The following CNNM2 variants were observed in gnomAD, a reference collection of about 807,000 sequenced individuals.
The protein encoded by CNNM2 is metal transporter CNNM2.
A neutral mutation model predicts 66.9 loss-of-function variants in CNNM2; 12 were observed. That is an observed-to-expected ratio of 0.18 (90% confidence interval 0.11 to 0.29). The LOEUF is 0.29. CNNM2 is among the 10% of genes least tolerant of loss of function. The probability of loss-of-function intolerance (pLI) is 1.00; values close to 1 mark genes in which losing one functional copy is unlikely to be tolerated. For synonymous variants in CNNM2, 557 were observed against 501.8 expected (o/e 1.11, Z -1.47); for missense variants, 705 against 1,167.7 (o/e 0.60, Z 5.77).
intron 1 of CNNM2, among the ~76,000 whole-genome samples, chr10:102,928,530 C>T (rs1029725710): frequency 5.3e-5 from 8 of 149,776 alleles, no homozygotes; most frequent in African/African-American, 9.9e-5. Context: ...TGCAGTGAGC[C>T]GGGATTGCGC....
In CNNM2 at chr10:103,089,503, C is replaced by G. The variant is rs1228825130; in HGVS notation, c.*12323C>G. On this transcript the variant is annotated 3_prime_UTR_variant, in exon 8 of 8. Coordinates refer to ENST00000369878, the MANE Select transcript of CNNM2 (RefSeq NM_017649.5). ...ACCATCTGCAGAGAGTACAGATACA[C>G]AAAACCAAAACAAGTATCTATGATA... The G allele has an allele frequency of 7.7e-7, 1 of 1,295,976 alleles. No individual in the cohort carries two copies. Among genetic ancestry groups the G allele is most frequent in the Non-Finnish European group, 1.0e-6 (1 of 979,732 alleles). 80.3% of individuals were successfully genotyped at this position (1,295,976 alleles called of 1,614,324 possible). A position where few individuals can be genotyped will look rare whatever the true frequency, so the allele number is the denominator to read the frequency against.
At chr10:103,008,968 T>C (rs2064282776) in intron 1 of CNNM2, among the ~76,000 whole-genome samples, 1 of 151,940 alleles carries the variant, frequency 6.6e-6, no homozygotes, top group Non-Finnish European at 1.5e-5. Context: ...GTGGGACACT[T>C]TGAGAGTTCT....
rs142156714 is a variant in CNNM2, at chr10:103,006,512, A to G, written c.1622-43195A>G. ...TGAACCACCACTCCTGGCCTGCTTT[A>G]GATTTTGTATAGCTCCCCTTCATCA... On this transcript the variant is annotated intron_variant, in intron 1 of 7. Coordinates refer to ENST00000369878, the MANE Select transcript of CNNM2 (RefSeq NM_017649.5). 1.3e-3 allele frequency among the ~76,000 whole-genome samples: 195 copies of G among 152,134 alleles called. 1 individual carries two copies. The highest frequency in any genetic ancestry group is 4.5e-3 in the African/African-American group (188 of 41,532).
At chr10:103,041,300 A>T (rs1205571306) in intron 1 of CNNM2, among the ~76,000 whole-genome samples, 1 of 152,216 alleles carries the variant, frequency 6.6e-6, no homozygotes, top group Non-Finnish European at 1.5e-5. Context: ...TGTGAAACTT[A>T]TGCAGCTGTG....
Position 102,955,742 on chromosome 10 carries a change from G to A in CNNM2, c.1621+35641G>A, listed in dbSNP as rs571296052. ...TATGAACAGACACTTCTCAAAAGAA[G>A]ACATTTATGCAGCCAACAGACACAT... is the stretch of plus-strand genomic sequence containing the variant. On this transcript the variant is annotated intron_variant, in intron 1 of 7. Coordinates refer to ENST00000369878, the MANE Select transcript of CNNM2 (RefSeq NM_017649.5). 3.6e-3 allele frequency among the ~76,000 whole-genome samples: 546 copies of A among 152,296 alleles called. 4 individuals carry two copies. Among genetic ancestry groups the A allele is most frequent in the African/African-American group, 0.013 (533 of 41,566 alleles).
chr10:103,028,762 G>T (rs754259120), intron 1 of CNNM2, among the ~76,000 whole-genome samples: 10 of 150,310 alleles, frequency 6.7e-5, no homozygotes, highest in Non-Finnish European at 1.3e-4. Context: ...TACCATTTCC[G>T]CCATAATCTT....
At chr10:103,045,949 G>T (rs2065121174) in intron 1 of CNNM2, among the ~76,000 whole-genome samples, 1 of 152,210 alleles carries the variant, frequency 6.6e-6, no homozygotes, top group South Asian at 2.1e-4. Flanking sequence ...CCTGCCTGAG[G>T]TGCATCTTCT....
chr10:103,082,667 T>C lies in CNNM2; in HGVS notation c.*5487T>C, dbSNP rs1165678622. ...TTTAAGGCGGGTGAGAGGGTAGTGT[T>C]GTTTTTTATAAACAGGTTGCTGCTT... On this transcript the variant is annotated 3_prime_UTR_variant, in exon 8 of 8. Transcript: ENST00000369878. 14 of 152,228 alleles carry C rather than the reference T, an allele frequency of 9.2e-5. No homozygotes were observed. Among genetic ancestry groups the C allele is most frequent in the Non-Finnish European group, 1.8e-4 (12 of 68,086 alleles). 9.4% of individuals were successfully genotyped at this position (152,228 alleles called of 1,614,324 possible). A position where few individuals can be genotyped will look rare whatever the true frequency, so the allele number is the denominator to read the frequency against.
chr10:103,004,431 G>A (rs2064186699), intron 1 of CNNM2, among the ~76,000 whole-genome samples: 1 of 152,306 alleles, frequency 6.6e-6, no homozygotes, highest in South Asian at 2.1e-4. Context: ...ACATCTGTGT[G>A]CATTTCTGAT....
At position 103,086,447 on chromosome 10, in the gene CNNM2, A is replaced by G. The variant is rs2065812726; in HGVS notation, c.*9267A>G. ...GTGGGTAAGGTTCCTACCCTAATAC[A>G]GACTTAAATATGTAGTTGTCTCAGG... On this transcript the variant is annotated 3_prime_UTR_variant, in exon 8 of 8. Coordinates refer to ENST00000369878, the MANE Select transcript of CNNM2 (RefSeq NM_017649.5). 7.6e-6 allele frequency: 1 copy of G among 131,102 alleles called. No individual in the cohort carries two copies. Among genetic ancestry groups the G allele is most frequent in the Non-Finnish European group, 1.7e-5 (1 of 59,102 alleles). 8.1% of individuals were successfully genotyped at this position (131,102 alleles called of 1,614,324 possible). A position where few individuals can be genotyped will look rare whatever the true frequency, so the allele number is the denominator to read the frequency against.
intron 1 of CNNM2, among the ~76,000 whole-genome samples, chr10:103,001,545 A>G (rs1309272469): frequency 1.3e-5 from 2 of 152,182 alleles, no homozygotes; most frequent in Non-Finnish European, 2.9e-5. Flanking sequence ...AGGAAAGAAA[A>G]GAGCTTATCT....
At chr10:102,980,769 T>C (rs973846038) in intron 1 of CNNM2, among the ~76,000 whole-genome samples, 2 of 152,200 alleles carry the variant, frequency 1.3e-5, no homozygotes. Context: ...ATGTGTTCAG[T>C]GTTTACATTA....
intron 1 of CNNM2, among the ~76,000 whole-genome samples, chr10:102,928,582 CAAA>C (rs34854394): frequency 2.6e-4 from 32 of 120,964 alleles, no homozygotes; most frequent in African/African-American, 2.2e-4. Flanking sequence ...AACTCTGTCT[CAAA>C]AAAAAAAAAA....
rs1248200973 is a variant in CNNM2 at position 103,084,216 on chromosome 10, C to CT, written c.*7038dup. ...GGATCGTGCTCTGAAAATTTAGCCT[C>CT]TTGACTGGTCCATTTATAGTCTCCA... On this transcript the variant is annotated 3_prime_UTR_variant, in exon 8 of 8. Coordinates refer to ENST00000369878, the MANE Select transcript of CNNM2 (RefSeq NM_017649.5). 2.0e-5 allele frequency: 3 copies of CT among 152,144 alleles called. No individual in the cohort carries two copies. The highest frequency in any genetic ancestry group is 4.4e-5 in the Non-Finnish European group (3 of 68,040). 9.4% of individuals were successfully genotyped at this position (152,144 alleles called of 1,614,324 possible).
chr10:103,037,606 G>C (rs1590437574), intron 1 of CNNM2, among the ~76,000 whole-genome samples: 1 of 152,246 alleles, frequency 6.6e-6, no homozygotes, highest in East Asian at 1.9e-4. Flanking sequence ...AGAGAAGATA[G>C]ATAGCATAGC....
chr10:102,918,948 C>T lies in CNNM2; in HGVS notation c.468C>T (p.Asp156=). Reference sequence around the variant, plus strand: ...AGCGATGCGGCATCCGCACCTCAGACATCATCATCTTGCCCCACATCATTC... The same window carrying T: ...AGCGATGCGGCATCCGCACCTCAGATATCATCATCTTGCCCCACATCATTC... ...GPQRCGIRTS[D]IIILPHIILN... The change falls in exon 1 of 8, where the codon GAC becomes GAT. Residue 156 remains aspartate (D), a synonymous_variant. Transcript: ENST00000369878. This position sits in a 1 kb window ranked among gnomAD's most constrained non-coding sequence, Gnocchi z 4.1. 6.2e-7 allele frequency: 1 copy of T among 1,612,470 alleles called. No homozygotes were observed. The highest frequency in any genetic ancestry group is 2.2e-5 in the East Asian group (1 of 44,836).
Position 103,089,965 on chromosome 10 carries a change from C to A in CNNM2, c.*12785C>A. 7.1e-7 allele frequency: 1 copy of A among 1,410,532 alleles called. No homozygotes were observed. The highest frequency in any genetic ancestry group is 2.3e-5 in the East Asian group (1 of 43,116). 87.4% of individuals were successfully genotyped at this position (1,410,532 alleles called of 1,614,324 possible). The stretch of plus-strand genomic sequence containing the variant: ...CAGGCAGAGCAAAGTAGCTACTCCC[C>A]AAATCCTAACCCCTCTCCTCTGTTA... On this transcript the variant is annotated 3_prime_UTR_variant, in exon 8 of 8. Coordinates refer to ENST00000369878, the MANE Select transcript of CNNM2 (RefSeq NM_017649.5).
At chr10:102,949,640 C>A (rs899647914) in intron 1 of CNNM2, among the ~76,000 whole-genome samples, 1 of 151,962 alleles carries the variant, frequency 6.6e-6, no homozygotes, top group Non-Finnish European at 1.5e-5. Flanking sequence ...ACTAAAAATA[C>A]GCGCGTGGTG....
At chr10:102,990,261 C>T (rs573432468) in intron 1 of CNNM2, among the ~76,000 whole-genome samples, 44 of 152,174 alleles carry the variant, frequency 2.9e-4, no homozygotes, top group Non-Finnish European at 5.7e-4. Context: ...CCACCGCGCC[C>T]GGTTTAAGCC....
Sources: gnomAD v4.1 joint callset for allele counts (sites outside exome capture counted in the v4.1 genomes callset) on GRCh38, gnomAD v4.1.1 for gene constraint, Gnocchi (gnomAD v3.1) non-coding constraint, MANE v1.5 for transcripts, NCBI Gene and HGNC (gene_info 2026-07-23, HGNC 2026-07-21) for gene names.